HOXB3: variants seen among roughly 807,000 people sequenced by gnomAD.
The protein encoded by HOXB3 is homeobox protein Hox-B3.
HOXB3 carries 17 observed loss-of-function variants against 29.2 expected under a neutral mutation model. That is an observed-to-expected ratio of 0.58 (90% CI 0.40 to 0.87). HOXB3 has a LOEUF of 0.87. Ranked by LOEUF, HOXB3 falls within the 40% of genes least tolerant of loss-of-function variation. The probability of loss-of-function intolerance (pLI) is 0.00; values close to 1 mark genes in which losing one functional copy is unlikely to be tolerated. For synonymous variants in HOXB3, 317 were observed against 285.9 expected (o/e 1.11, Z -1.10); for missense variants, 637 against 616.3 (o/e 1.03, Z -0.35).
At chr17:48,553,466 T>C (rs1333584835) in intron 3 of HOXB3, 1 of 152,102 alleles carries the variant, frequency 6.6e-6, no homozygotes, top group African/African-American at 2.4e-5. Context: ...TTTTTTTTTT[T>C]TTCATGAGAC....
chr17:48,555,701 G>T (rs1232703969), intron 2 of HOXB3, 83 bp from the exon 3 acceptor site: 1 of 414,600 alleles, frequency 2.4e-6, no homozygotes, highest in Non-Finnish European at 4.5e-6. Context: ...AAGCCACCCC[G>T]GCTGGGGAGC....
In HOXB3 at chr17:48,574,057, A is replaced by T. The variant is rs963139367; in HGVS notation, c.-424-43T>A. ...AGGAGAGAGGATACGTATTTAAAGA[A>T]AAGAAGTGATTAATGGTTTTCTGTA... On this transcript the variant is annotated intron_variant, in intron 1 of 4. Coordinates refer to ENST00000498678, the MANE Select transcript of HOXB3 (RefSeq NM_001384749.1). 9 of 586,538 alleles carry T rather than the reference A, an allele frequency of 1.5e-5. No individual in the cohort carries two copies. In the African/African-American group the frequency reaches 1.7e-4, roughly 11 times the overall value. The allele number at this position is 586,538 out of a possible 1,614,324, so 36.3% of individuals were successfully genotyped here.
At chr17:48,569,577 C>T (rs1318404179) in intron 2 of HOXB3, among the ~76,000 whole-genome samples, 1 of 152,134 alleles carries the variant, frequency 6.6e-6, no homozygotes, top group Non-Finnish European at 1.5e-5. Context: ...TCTCTGCATC[C>T]TTTAGGATTA....
rs769425352 is a variant in HOXB3, at chr17:48,551,164, C to A, written c.466G>T (p.Gly156Cys). The stretch of plus-strand genomic sequence containing the variant: ...CCTCCGCCGCCGCCGCCACCGCCGC[C>A]GCCACCACAGCCCTCTGCTGGATCC... ...SPGTAEGCGG[G>C]GGGGGGGGSG... Residue 156 changes from glycine to cysteine, a missense_variant, in exon 5 of 5, where the codon GGC becomes TGC. By Grantham distance (159) the Gly-to-Cys change is radical. Coordinates refer to ENST00000498678, the MANE Select transcript of HOXB3 (RefSeq NM_001384749.1). 9 of 1,304,856 alleles carry A rather than the reference C, an allele frequency of 6.9e-6. No homozygotes were observed. The highest frequency in any genetic ancestry group is 1.5e-5 in the African/African-American group (1 of 65,182). 80.8% of individuals were successfully genotyped at this position (1,304,856 alleles called of 1,614,324 possible).
intron 2 of HOXB3, among the ~76,000 whole-genome samples, chr17:48,568,510 A>G (rs2069464467): frequency 6.6e-6 from 1 of 152,206 alleles, no homozygotes; most frequent in Non-Finnish European, 1.5e-5. Flanking sequence ...AGTGCCTCCG[A>G]GAGCGACTCT....
At position 48,552,583 on chromosome 17, in the gene HOXB3, C is replaced by CG. The variant is rs1555635539; in HGVS notation, c.-110_-109insC. ...CGTGACACGCCGGACCCCCCCCCCC[C>CG]ACCTCCCCTCTCTGCCCCCCTCCTC... On this transcript the variant is annotated 5_prime_UTR_variant, in exon 4 of 5. An upstream open reading frame in the 5' UTR gains an earlier in-frame stop. Transcript: ENST00000498678. 5.4e-6 allele frequency: 4 copies of CG among 747,410 alleles called. No individual in the cohort carries two copies. The East Asian group carries it at 1.2e-4, about 22-fold the overall frequency. 46.3% of individuals were successfully genotyped at this position (747,410 alleles called of 1,614,324 possible).
At chr17:48,585,423 G>C (rs965579419) in intron 1 of HOXB3, among the ~76,000 whole-genome samples, 19 of 152,272 alleles carry the variant, frequency 1.2e-4, no homozygotes, top group African/African-American at 4.6e-4. Context: ...TGTGCTCACA[G>C]GGCTAGAGGG....
At chr17:48,578,496 C>G (rs1048021663) in intron 1 of HOXB3, 2 of 722,310 alleles carry the variant, frequency 2.8e-6, no homozygotes, top group Non-Finnish European at 4.3e-6. Context: ...TCTGCTCACC[C>G]GGACCCCACT....
At chr17:48,578,518 G>A in intron 1 of HOXB3, 2 of 610,666 alleles carry the variant, frequency 3.3e-6, no homozygotes, top group Non-Finnish European at 5.4e-6. Context: ...CAGCCAAAGA[G>A]GTTTATTTCC....
intron 1 of HOXB3, chr17:48,576,262 T>G: frequency 3.9e-5 from 6 of 153,406 alleles, no homozygotes; most frequent in Non-Finnish European, 2.9e-5. Context: ...CCGGGCCTCA[T>G]TTGTTAGCGG....
chr17:48,578,550 C>A (rs2069847816), intron 1 of HOXB3: 3 of 447,364 alleles, frequency 6.7e-6, no homozygotes, highest in Non-Finnish European at 7.7e-6. Flanking sequence ...TCCCCCTCCC[C>A]ACCCACCCAC....
In HOXB3 at chr17:48,550,580, C is replaced by G. The variant is rs1416101248; in HGVS notation, c.1050G>C (p.Pro350=). 4.6e-6 allele frequency: 7 copies of G among 1,528,598 alleles called. No homozygotes were observed. Among genetic ancestry groups the G allele is most frequent in the Non-Finnish European group, 5.2e-6 (6 of 1,147,660 alleles). 94.7% of individuals were successfully genotyped at this position (1,528,598 alleles called of 1,614,324 possible). The change falls in exon 5 of 5, where the codon CCG becomes CCC. Residue 350 remains proline, a synonymous_variant. Coordinates refer to ENST00000498678, the MANE Select transcript of HOXB3 (RefSeq NM_001384749.1). ...AYGTPTMQGS[P]VYVGGGGYAD... Reference sequence around the variant, plus strand: ...CGTAGCCGCCCCCGCCCACGTACACCGGACTGCCCTGCATGGTGGGCGTCC... The same window carrying G: ...CGTAGCCGCCCCCGCCCACGTACACGGGACTGCCCTGCATGGTGGGCGTCC...
At chr17:48,580,027 A>AT in intron 1 of HOXB3, 1 of 438,998 alleles carries the variant, frequency 2.3e-6, no homozygotes, top group Admixed American at 3.1e-5. Flanking sequence ...CTTTGGTTTT[A>AT]TTTCGTTTTG....
chr17:48,585,998 C>T (rs1374793113), intron 1 of HOXB3, among the ~76,000 whole-genome samples: 1 of 152,218 alleles, frequency 6.6e-6, no homozygotes, highest in Admixed American at 6.5e-5. Flanking sequence ...GCTCCGAGGT[C>T]AGGGATCCAG....
At chr17:48,585,333 C>T (rs1440925498) in intron 1 of HOXB3, among the ~76,000 whole-genome samples, 1 of 152,212 alleles carries the variant, frequency 6.6e-6, no homozygotes, top group African/African-American at 2.4e-5. Flanking sequence ...GTAGAATGGG[C>T]TGACCTGGAG....
chr17:48,576,657 A>ACC, intron 1 of HOXB3: 1 of 126,962 alleles, frequency 7.9e-6, no homozygotes. Context: ...CTGTCCCCCC[A>ACC]CCCCATCCCC....
intron 2 of HOXB3, among the ~76,000 whole-genome samples, chr17:48,571,604 C>G (rs1242474579): frequency 2.6e-5 from 4 of 152,216 alleles, no homozygotes; most frequent in Admixed American, 2.6e-4. Context: ...CCCTAATCCT[C>G]ACATTGCAGA....
chr17:48,549,987 G>T lies in HOXB3; in HGVS notation c.*347C>A, dbSNP rs1041567198. 2.2e-5 allele frequency: 5 copies of T among 225,700 alleles called. No homozygotes were observed. The highest frequency in any genetic ancestry group is 4.4e-5 in the Non-Finnish European group (5 of 114,202). 14.0% of individuals were successfully genotyped at this position (225,700 alleles called of 1,614,324 possible). A position where few individuals can be genotyped will look rare whatever the true frequency, so the allele number is the denominator to read the frequency against. On this transcript the variant is annotated 3_prime_UTR_variant, in exon 5 of 5. Coordinates refer to ENST00000498678, the MANE Select transcript of HOXB3 (RefSeq NM_001384749.1). ...GGTGATGGCCTAGCCATCTTGTCTG[G>T]TTTTTAAAATGTGCTTTTCTGCCTC...
intron 1 of HOXB3, chr17:48,577,119 T>C: frequency 8.5e-7 from 1 of 1,170,370 alleles, no homozygotes; most frequent in Non-Finnish European, 1.2e-6. Flanking sequence ...TCCCTCCCTC[T>C]CCCGCCACCT....
Sources: allele counts gnomAD v4.1 joint callset (sites outside exome capture counted in the v4.1 genomes callset), GRCh38; gene constraint gnomAD v4.1.1; transcripts MANE v1.5; gene names NCBI Gene and HGNC (gene_info 2026-07-23, HGNC 2026-07-21).